ABCA5: variants seen among roughly 807,000 people sequenced by gnomAD.
The protein encoded by ABCA5 is ATP binding cassette subfamily A member 5, also known as cholesterol transporter ABCA5.
Under a neutral mutation model 206.0 loss-of-function variants are expected in ABCA5, and 163 were observed. That is an observed-to-expected ratio of 0.79 (90% CI 0.70 to 0.90). ABCA5 has a LOEUF of 0.90. Ranked by LOEUF, ABCA5 falls within the 40% of genes least tolerant of loss-of-function variation. The pLI is 0.00. For synonymous variants in ABCA5, 609 were observed against 613.8 expected (o/e 0.99, Z 0.11); for missense variants, 1,859 against 1,912.9 (o/e 0.97, Z 0.53).
intron 1 of ABCA5, chr17:69,316,970 A>G (rs2075822328): frequency 6.6e-6 from 1 of 152,258 alleles, no homozygotes; most frequent in Non-Finnish European, 1.5e-5. Flanking sequence ...TAAGGACTCA[A>G]TTGAGTACAT....
At chr17:69,249,800 G>A (rs1420904) in intron 37 of ABCA5, 105 bp downstream of exon 37, 1,227,802 of 1,368,428 alleles carry the variant, frequency 0.9, 551,329 homozygotes, top group South Asian at 0.94. Context: ...TACAACATAA[G>A]TGCTTTTCAA....
At position 69,259,774 on chromosome 17, in the gene ABCA5, C is replaced by T. The variant is rs1045944407; in HGVS notation, c.3663G>A (p.Trp1221Ter). 8.1e-6 allele frequency: 13 copies of T among 1,606,894 alleles called. No homozygotes were observed. The highest frequency in any genetic ancestry group is 1.1e-5 in the Non-Finnish European group (13 of 1,174,786). ...VISPYLQCVLWIFLLQYYEKK... is the reference protein window; with the variant it reads ...VISPYLQCVL ...TCTCATAGTATTGTAAGAGGAAAAT[C>T]CACAGTACACACTGCAGGTAAGGCT... is the stretch of plus-strand genomic sequence containing the variant. Residue 1221 changes from tryptophan (W) to a stop codon, truncating the protein, a stop_gained, in exon 28 of 39, where the codon TGG (tryptophan) becomes TGA (stop). Transcript: ENST00000392676. LOFTEE classifies it high-confidence loss of function.
intron 19 of ABCA5, among the ~76,000 whole-genome samples, chr17:69,275,642 ACT>A (rs2075323449): frequency 6.6e-6 from 1 of 152,160 alleles, no homozygotes; most frequent in Admixed American, 6.5e-5. Flanking sequence ...CTAATGAATA[ACT>A]CTTTAATATA....
chr17:69,309,400 T>A lies in ABCA5; in HGVS notation c.331A>T (p.Asn111Tyr). The A allele has an allele frequency of 6.3e-7, 1 of 1,578,240 alleles. No homozygotes were observed. Residue 111 changes from asparagine (N) to tyrosine (Y), a missense_variant, in exon 4 of 39, where the codon AAT becomes TAT. Transcript: ENST00000392676. ...PDVIITEEYT[N>Y]EKEMLTSSLS... Reference sequence around the variant, plus strand: ...CTGGATGTTAACATTTCTTTTTCATTTGTATATTCTTCAGTAATTATGACT... The same window carrying A: ...CTGGATGTTAACATTTCTTTTTCATATGTATATTCTTCAGTAATTATGACT...
Position 69,286,005 on chromosome 17 carries a change from G to A in ABCA5, c.2165C>T (p.Ser722Phe). 1 of 1,612,510 alleles carries A rather than the reference G, an allele frequency of 6.2e-7. No individual in the cohort carries two copies. The highest frequency in any genetic ancestry group is 8.5e-7 in the Non-Finnish European group (1 of 1,179,346). The change falls in exon 17 of 39, where the codon TCT (serine) becomes TTT (phenylalanine). Residue 722 changes from serine to phenylalanine, a missense_variant. Physicochemically the swap from Ser to Phe is radical, Grantham distance 155. Coordinates refer to ENST00000392676, the MANE Select transcript of ABCA5 (RefSeq NM_172232.4). ...ATGTTGTTTAACCAGTGAAGAAAGA[G>A]ATTCTGTGGCACAATATTTGTCTAT... ...MYIDKYCATE[S>F]LSSLVKQHIP...
intron 11 of ABCA5, among the ~76,000 whole-genome samples, chr17:69,293,886 T>TGTTTG (rs1567771944): frequency 1.5e-4 from 10 of 64,860 alleles, no homozygotes; most frequent in East Asian, 9.2e-4. Flanking sequence ...GTGTGTGTGT[T>TGTTTG]TGTGTGTGTG....
chr17:69,248,227 A>G (rs763338995), intron 38 of ABCA5, 35 bp downstream of exon 38: 2 of 1,267,648 alleles, frequency 1.6e-6, no homozygotes, highest in Non-Finnish European at 1.1e-6. Context: ...ACTTTCTTCT[A>G]TAAAATAATT....
intron 35 of ABCA5, 81 bp downstream of exon 35, chr17:69,251,666 T>C (rs2075014691): frequency 1.3e-6 from 2 of 1,518,966 alleles, no homozygotes; most frequent in Middle Eastern, 1.7e-4. Context: ...TTACTAACTA[T>C]TGCCATGTTT....
chr17:69,264,641 C>A, intron 24 of ABCA5, 94 bp downstream of exon 24: 1 of 888,284 alleles, frequency 1.1e-6, no homozygotes, highest in South Asian at 4.4e-5. Context: ...AAATTAATAA[C>A]CAAATTATGC....
chr17:69,279,323 G>A lies in ABCA5; in HGVS notation c.2393-1481C>T, dbSNP rs1018277724. Among the ~76,000 whole-genome samples the A allele has an allele frequency of 1.2e-3, 181 of 151,754 alleles. 1 individual carries two copies. The highest frequency in any genetic ancestry group is 1.9e-3 in the East Asian group (10 of 5,164). Reference sequence around the variant, plus strand: ...TAAAATACCTAGGAATCCAACTTACGAGGGATGTGAAGGACCTCTTCAAGG... The same window carrying A: ...TAAAATACCTAGGAATCCAACTTACAAGGGATGTGAAGGACCTCTTCAAGG... On this transcript the variant is annotated intron_variant, in intron 18 of 38. Coordinates refer to ENST00000392676, the MANE Select transcript of ABCA5 (RefSeq NM_172232.4).
At chr17:69,256,720 T>C (rs2075087232) in intron 28 of ABCA5, among the ~76,000 whole-genome samples, 1 of 152,048 alleles carries the variant, frequency 6.6e-6, no homozygotes, top group African/African-American at 2.4e-5. Context: ...CCTCCCAAAG[T>C]ACTGGGATTA....
intron 12 of ABCA5, 121 bp from the exon 13 acceptor site, chr17:69,290,158 T>C: frequency 1.6e-6 from 1 of 631,108 alleles, no homozygotes; most frequent in Non-Finnish European, 2.5e-6. Context: ...TTAATATAAA[T>C]TTACAAGGCA....
intron 19 of ABCA5, among the ~76,000 whole-genome samples, chr17:69,274,970 A>C (rs2075315352): frequency 6.7e-6 from 1 of 149,964 alleles, no homozygotes; most frequent in Non-Finnish European, 1.5e-5. Context: ...CAGCCTCCCA[A>C]GTAGGTGGGA....
chr17:69,287,679 A>G lies in ABCA5; in HGVS notation c.1975T>C (p.Tyr659His), dbSNP rs752754377. The G allele has an allele frequency of 6.2e-7, 1 of 1,613,994 alleles. No individual in the cohort carries two copies. Among genetic ancestry groups the G allele is most frequent in the South Asian group, 1.1e-5 (1 of 91,070 alleles). The change falls in exon 15 of 39, where the codon TAC becomes CAC. Residue 659 changes from tyrosine (Y) to histidine (H), a missense_variant. Coordinates refer to ENST00000392676, the MANE Select transcript of ABCA5 (RefSeq NM_172232.4). ...SRHIVWNLLK[Y>H]RKANRVTVFS... ...ACTGTCACCCGATTGGCTTTTCTGT[A>G]TTTTAAAAGATTCCATACAATATGT...
rs770006280 is a variant in ABCA5, at chr17:69,302,859, A to G, written c.978T>C (p.His326=). Reference sequence around the variant, plus strand: ...TAACAAAAAATTCAACTATTCCCACATGTTTTGATTTTTTAAAAAGAGGTG... The same window carrying G: ...TAACAAAAAATTCAACTATTCCCACGTGTTTTGATTTTTTAAAAAGAGGTG... The part of the protein sequence containing the change: ...MLTPLFKKSK[H]VGIVEFFVTV... The change falls in exon 8 of 39, where the codon CAT becomes CAC. Residue 326 remains histidine (H), a synonymous_variant. Transcript: ENST00000392676. 1 of 1,580,430 alleles carries G rather than the reference A, an allele frequency of 6.3e-7. No individual in the cohort carries two copies. The highest frequency in any genetic ancestry group is 8.6e-7 in the Non-Finnish European group (1 of 1,169,438).
intron 28 of ABCA5, 98 bp downstream of exon 28, chr17:69,259,608 T>G (rs1349289076): frequency 1.3e-6 from 1 of 780,094 alleles, no homozygotes; most frequent in Middle Eastern, 4.0e-4. Flanking sequence ...AGTTTCTTTT[T>G]GGAGTGCTGG....
rs2075261932 is a variant in ABCA5 at position 69,270,629 on chromosome 17, C to T, written c.3014G>A (p.Ser1005Asn). The T allele has an allele frequency of 1.3e-6, 2 of 1,592,504 alleles. No individual in the cohort carries two copies. The highest frequency in any genetic ancestry group is 1.7e-6 in the Non-Finnish European group (2 of 1,172,298). ...LNVTETIQIW[S>N]TPFFQEITDI... ...TTGGCTTACTTGAAAGAATGGGGTA[C>T]TCCAGATCTGGATGGTTTCAGTCAC... The change falls in exon 22 of 39, where the codon AGT becomes AAT. Residue 1005 changes from serine to asparagine, a missense_variant. By Grantham distance (46) the Ser-to-Asn change is conservative (BLOSUM62 1). Coordinates refer to ENST00000392676, the MANE Select transcript of ABCA5 (RefSeq NM_172232.4).
intron 19 of ABCA5, among the ~76,000 whole-genome samples, chr17:69,275,826 TG>T (rs1382637124): frequency 6.6e-6 from 1 of 151,952 alleles, no homozygotes; most frequent in African/African-American, 2.4e-5. Flanking sequence ...ATCATGAGGG[TG>T]GGGTCCCCAT....
intron 31 of ABCA5, 54 bp downstream of exon 31, chr17:69,255,489 T>G (rs1195812625): frequency 2.6e-6 from 3 of 1,134,246 alleles, no homozygotes; most frequent in African/African-American, 3.2e-5. Context: ...AAAGTTTATG[T>G]TAATTAACAA....
Sources: gnomAD v4.1 joint callset for allele counts (sites outside exome capture counted in the v4.1 genomes callset) on GRCh38, gnomAD v4.1.1 for gene constraint, MANE v1.5 for transcripts, NCBI Gene and HGNC (gene_info 2026-07-23, HGNC 2026-07-21) for gene names.